The following SCAPER variants were observed in gnomAD, a reference collection of about 807,000 sequenced individuals.
The protein encoded by SCAPER is S phase cyclin A-associated protein in the endoplasmic reticulum.
In SCAPER, 98 loss-of-function variants were observed where a neutral mutation model predicts 182.2. The observed-to-expected ratio is 0.54, with a 90% confidence interval of 0.46 to 0.64. SCAPER has a LOEUF of 0.64. Ranked by LOEUF, SCAPER falls within the 30% of genes least tolerant of loss-of-function variation. The probability of loss-of-function intolerance (pLI) is 0.00; values close to 1 mark genes in which losing one functional copy is unlikely to be tolerated. For missense variants in SCAPER, 1,432 were observed against 1,690.0 expected (o/e 0.85, Z 2.68); for synonymous variants, 605 against 564.6 (o/e 1.07, Z -1.01).
chr15:76,898,076 C>G (rs1269313074), intron 1 of SCAPER, among the ~76,000 whole-genome samples: 1 of 152,128 alleles, frequency 6.6e-6, no homozygotes, highest in Non-Finnish European at 1.5e-5. Flanking sequence ...TTAAATAGCA[C>G]CACTATGTCA....
At chr15:76,484,015 T>G (rs1387971465) in intron 24 of SCAPER, among the ~76,000 whole-genome samples, 24 of 152,096 alleles carry the variant, frequency 1.6e-4, no homozygotes, top group Non-Finnish European at 1.5e-5. Context: ...ACTTAAAAAC[T>G]TATATCTACA....
chr15:76,768,228 C>T (rs1170402655), intron 10 of SCAPER, among the ~76,000 whole-genome samples: 1 of 152,002 alleles, frequency 6.6e-6, no homozygotes, highest in Non-Finnish European at 1.5e-5. Flanking sequence ...AAAAAATGTG[C>T]CCACACAAAA....
chr15:76,520,919 G>T (rs191585743), intron 23 of SCAPER, among the ~76,000 whole-genome samples: 1 of 152,168 alleles, frequency 6.6e-6, no homozygotes, highest in Non-Finnish European at 1.5e-5. Flanking sequence ...TAAAGTGAAT[G>T]CAATTATATA....
intron 5 of SCAPER, among the ~76,000 whole-genome samples, chr15:76,820,567 C>A (rs1310331240): frequency 3.9e-5 from 5 of 129,694 alleles, no homozygotes; most frequent in Non-Finnish European, 7.7e-5. Context: ...GGAAGGGGAA[C>A]ATCACACACT....
intron 17 of SCAPER, among the ~76,000 whole-genome samples, chr15:76,712,779 C>G (rs1311666309): frequency 6.6e-6 from 1 of 151,828 alleles, no homozygotes; most frequent in East Asian, 1.9e-4. Flanking sequence ...GATTTTTGTA[C>G]ATTGATTTTG....
chr15:76,843,732 G>C (rs1343764017), intron 4 of SCAPER, among the ~76,000 whole-genome samples: 1 of 152,044 alleles, frequency 6.6e-6, no homozygotes, highest in East Asian at 1.9e-4. Context: ...TGAGGCAGGA[G>C]TATCACTTGA....
Position 76,862,520 on chromosome 15 carries a change from C to T in SCAPER, c.20G>A (p.Arg7His), listed in dbSNP as rs369071392. 13 of 1,609,748 alleles carry T rather than the reference C, an allele frequency of 8.1e-6. No individual in the cohort carries two copies. Among genetic ancestry groups the T allele is most frequent in the African/African-American group, 4.0e-5 (3 of 74,910 alleles). MMASFQ[R>H]SNSHDKVRRI... is the part of the protein sequence containing the mutation. ...CCTTACTTTGTCATGACTATTGGAGCGCTGGAATGAAGCCTATGTATGGAA... is the reference window on the plus strand; with the variant it reads ...CCTTACTTTGTCATGACTATTGGAGTGCTGGAATGAAGCCTATGTATGGAA... The change falls in exon 3 of 32, where the codon CGC (arginine) becomes CAC (histidine). Residue 7 changes from arginine (R) to histidine (H), a missense_variant. By Grantham distance (29) the Arg-to-His change is conservative (BLOSUM62 0). Transcript: ENST00000563290.
intron 21 of SCAPER, among the ~76,000 whole-genome samples, chr15:76,646,551 C>CT (rs1410387446): frequency 6.6e-6 from 1 of 152,190 alleles, no homozygotes; most frequent in Admixed American, 6.5e-5. Flanking sequence ...GTTCCTTTAT[C>CT]TTCATCCTTC....
At chr15:76,370,542 T>G (rs772852040) in intron 29 of SCAPER, among the ~76,000 whole-genome samples, 3 of 152,120 alleles carry the variant, frequency 2.0e-5, no homozygotes, top group Admixed American at 6.5e-5. Flanking sequence ...TGACCTCAAG[T>G]GATCTGCCTG....
chr15:76,514,540 C>A (rs1263435912), intron 23 of SCAPER, among the ~76,000 whole-genome samples: 1 of 152,150 alleles, frequency 6.6e-6, no homozygotes, highest in Non-Finnish European at 1.5e-5. Flanking sequence ...TTTCTGTAGA[C>A]AATAATTATG....
At chr15:76,887,272 G>A (rs911512885) in intron 1 of SCAPER, among the ~76,000 whole-genome samples, 1 of 152,202 alleles carries the variant, frequency 6.6e-6, no homozygotes. Flanking sequence ...GTTTCCAACT[G>A]ATGTACCTGC....
At chr15:76,774,174 C>T (rs1165839418) in intron 9 of SCAPER, among the ~76,000 whole-genome samples, 2 of 151,738 alleles carry the variant, frequency 1.3e-5, no homozygotes, top group African/African-American at 4.8e-5. Flanking sequence ...AAACTGATAC[C>T]ATATGCCTCT....
At chr15:76,816,654 ATTTTT>A (rs34237655) in intron 5 of SCAPER, among the ~76,000 whole-genome samples, 1 of 142,764 alleles carries the variant, frequency 7.0e-6, no homozygotes, top group South Asian at 2.2e-4. Context: ...CAGTAACATA[ATTTTT>A]TTTTTTTTTT....
chr15:76,644,167 C>A (rs974198734), intron 21 of SCAPER, among the ~76,000 whole-genome samples: 1 of 152,104 alleles, frequency 6.6e-6, no homozygotes, highest in African/African-American at 2.4e-5. Context: ...TTTTCATTCT[C>A]ATTCTCTTAC....
intron 22 of SCAPER, chr15:76,577,026 T>C (rs2047879117): frequency 6.6e-6 from 1 of 152,132 alleles, no homozygotes; most frequent in South Asian, 2.1e-4. Flanking sequence ...TTGGGAAGAA[T>C]GTGACCTATG....
At chr15:76,583,999 C>A (rs979483758) in intron 22 of SCAPER, among the ~76,000 whole-genome samples, 1 of 151,866 alleles carries the variant, frequency 6.6e-6, no homozygotes, top group African/African-American at 2.4e-5. Flanking sequence ...TTCATAATAG[C>A]CAAGATTTGG....
At chr15:76,588,090 T>A (rs2048815601) in intron 22 of SCAPER, among the ~76,000 whole-genome samples, 1 of 151,962 alleles carries the variant, frequency 6.6e-6, no homozygotes, top group Non-Finnish European at 1.5e-5. Context: ...CCTGGCTAAT[T>A]TTTTGTATTT....
At chr15:76,476,391 C>CT (rs1329165411) in intron 24 of SCAPER, among the ~76,000 whole-genome samples, 1 of 151,886 alleles carries the variant, frequency 6.6e-6, no homozygotes, top group Non-Finnish European at 1.5e-5. Context: ...CAACAATTTT[C>CT]TTTTTCCTTC....
At chr15:76,761,653 G>A (rs2062794725) in intron 14 of SCAPER, among the ~76,000 whole-genome samples, 1 of 152,048 alleles carries the variant, frequency 6.6e-6, no homozygotes, top group South Asian at 2.1e-4. Context: ...AAAGATATTG[G>A]TATGATTTCC....
Sources: allele counts gnomAD v4.1 joint callset (sites outside exome capture counted in the v4.1 genomes callset), GRCh38; gene constraint gnomAD v4.1.1; transcripts MANE v1.5; gene names NCBI Gene and HGNC (gene_info 2026-07-23, HGNC 2026-07-21).